PCDHGA1: variants seen among roughly 807,000 people sequenced by gnomAD.
PCDHGA1 encodes the protein protocadherin gamma-A1.
Under a neutral mutation model 58.0 loss-of-function variants are expected in PCDHGA1, and 32 were observed. The ratio of observed to expected loss-of-function variants is 0.55; its 90% CI spans 0.42 to 0.74. The LOEUF is 0.74. Ranked by LOEUF, PCDHGA1 falls within the 30% of genes least tolerant of loss-of-function variation. The pLI is 0.00. For missense variants in PCDHGA1, 1,205 were observed against 1,182.3 expected, an observed-to-expected ratio of 1.02 and a Z score of -0.28; for synonymous variants, 498 against 501.1, an observed-to-expected ratio of 0.99 and a Z score of 0.08.
intron 1 of PCDHGA1, chr5:141,416,766 T>C (rs906070451): frequency 2.0e-5 from 3 of 152,212 alleles, no homozygotes; most frequent in African/African-American, 7.2e-5. Context: ...GATCTCTTAA[T>C]TTTATTACTA....
intron 1 of PCDHGA1, chr5:141,383,026 T>A (rs767610901): frequency 6.2e-7 from 1 of 1,613,590 alleles, no homozygotes; most frequent in Non-Finnish European, 8.5e-7. Context: ...GGACAAAGGG[T>A]CCTTTGTGGG....
intron 1 of PCDHGA1, chr5:141,428,456 A>G (rs538022786): frequency 1.4e-5 from 5 of 358,650 alleles, no homozygotes; most frequent in South Asian, 1.1e-4. Context: ...TTTCCCAACT[A>G]CAATGAGGGA....
chr5:141,356,817 C>A (rs553662641), intron 1 of PCDHGA1: 16 of 1,613,926 alleles, frequency 9.9e-6, no homozygotes, highest in Middle Eastern at 1.6e-4. Flanking sequence ...ACAGTGGAGA[C>A]CCTCCACTCA....
chr5:141,446,256 T>C lies in PCDHGA1; in HGVS notation c.2422-48551T>C, dbSNP rs535879308. On this transcript the variant is annotated intron_variant, in intron 1 of 3. Transcript: ENST00000517417. Reference sequence around the variant, plus strand: ...CAAGTGGTAGATCTTCAGTGAAATATTATTAACTGAATAAATACAATGGAT... The same window carrying C: ...CAAGTGGTAGATCTTCAGTGAAATACTATTAACTGAATAAATACAATGGAT... Among the ~76,000 whole-genome samples the C allele has an allele frequency of 2.0e-5, 3 of 152,310 alleles. No homozygotes were observed. The East Asian group carries it at 5.8e-4, about 29-fold the overall frequency.
chr5:141,344,107 A>T, intron 1 of PCDHGA1: 1 of 1,613,998 alleles, frequency 6.2e-7, no homozygotes, highest in Non-Finnish European at 8.5e-7. Context: ...ACGCTGTGCG[A>T]AACAGGATCC....
intron 1 of PCDHGA1, chr5:141,364,759 T>C: frequency 1.2e-6 from 2 of 1,613,952 alleles, no homozygotes; most frequent in Non-Finnish European, 1.7e-6. Context: ...TAAAAGTTAA[T>C]GAAAATGCGG....
In PCDHGA1 at chr5:141,398,540, T is replaced by C. The variant is rs372892054; in HGVS notation, c.2421+65435T>C. On this transcript the variant is annotated intron_variant, in intron 1 of 3. Transcript: ENST00000517417. The stretch of plus-strand genomic sequence containing the variant: ...ACGCCAAAATTCACGCAAAATTCCT[T>C]TGAGCTGCAAATAAGTGAGTCTGCA... 12 of 1,613,764 alleles carry C rather than the reference T, an allele frequency of 7.4e-6. No homozygotes were observed. The African/African-American group carries it at 1.2e-4, about 16-fold the overall frequency.
chr5:141,383,027 C>A lies in PCDHGA1; in HGVS notation c.2421+49922C>A, dbSNP rs752703068. 3 of 1,613,838 alleles carry A rather than the reference C, an allele frequency of 1.9e-6. No homozygotes were observed. In the South Asian group the frequency reaches 3.3e-5, roughly 18 times the overall value. ...GTGTCGGAGGAGACGGACAAAGGGTCCTTTGTGGGAGACATCGCCAAGGAC... is the reference window on the plus strand; with the variant it reads ...GTGTCGGAGGAGACGGACAAAGGGTACTTTGTGGGAGACATCGCCAAGGAC... On this transcript the variant is annotated intron_variant, in intron 1 of 3. Coordinates refer to ENST00000517417, the MANE Select transcript of PCDHGA1 (RefSeq NM_018912.3).
Position 141,486,239 on chromosome 5 carries a change from C to G in PCDHGA1, c.2422-8568C>G, listed in dbSNP as rs751510109. On this transcript the variant is annotated intron_variant, in intron 1 of 3. Transcript: ENST00000517417. The surrounding 1 kb of genome is among the most constrained non-coding windows in gnomAD (Gnocchi z 5.0). ...CCCTTACATCACAGTGACCTCAGAG[C>G]TTGGAACCCTCCCCGAGAGTGCAGA... 6.2e-7 allele frequency: 1 copy of G among 1,614,160 alleles called. No individual in the cohort carries two copies. Among genetic ancestry groups the G allele is most frequent in the Admixed American group, 1.7e-5 (1 of 60,020 alleles).
At chr5:141,371,175 G>T (rs753971437) in intron 1 of PCDHGA1, 1 of 1,614,004 alleles carries the variant, frequency 6.2e-7, no homozygotes, top group South Asian at 1.1e-5. Flanking sequence ...TGGCTCCTCC[G>T]TATTAAAAGT....
rs1430797606 is a variant in PCDHGA1 at position 141,370,494 on chromosome 5, C to T, written c.2421+37389C>T. On this transcript the variant is annotated intron_variant, in intron 1 of 3. Coordinates refer to ENST00000517417, the MANE Select transcript of PCDHGA1 (RefSeq NM_018912.3). ...AGACCAGGCTCTCTCCGAACCGATC[C>T]GCTACGCTATTCCCGAGGAGCTGGA... 3.1e-6 allele frequency: 5 copies of T among 1,613,784 alleles called. No homozygotes were observed. The African/African-American group carries it at 5.3e-5, about 17-fold the overall frequency.
chr5:141,405,770 G>T (rs989163026), intron 1 of PCDHGA1, among the ~76,000 whole-genome samples: 1 of 152,032 alleles, frequency 6.6e-6, no homozygotes. Context: ...GAGCCACTGC[G>T]CCTGGCCCTT....
rs140199351 is a variant in PCDHGA1, at chr5:141,465,921, G to C, written c.2422-28886G>C. Among the ~76,000 whole-genome samples, 1,515 of 152,146 alleles carry C rather than the reference G, an allele frequency of 1.0e-2. 24 individuals carry two copies. The highest frequency in any genetic ancestry group is 0.034 in the African/African-American group (1,400 of 41,520). On this transcript the variant is annotated intron_variant, in intron 1 of 3. Transcript: ENST00000517417. ...GCAAATCACGAGGTCAGGATTTCGA[G>C]TCCATCCTGGCTAACATGGTGAAAC...
intron 1 of PCDHGA1, chr5:141,471,553 TG>T (rs1217142933): frequency 6.6e-6 from 1 of 152,224 alleles, no homozygotes; most frequent in African/African-American, 2.4e-5. Flanking sequence ...AAGGTTGCTT[TG>T]ACTCAGGGGT....
Position 141,432,028 on chromosome 5 carries a change from C to T in PCDHGA1, c.2422-62779C>T, listed in dbSNP as rs776543767. ...TTCCTAGCTACAACATCACAGTGAC[C>T]GCCACTGACCGGGGAACCCCGCCCC... On this transcript the variant is annotated intron_variant, in intron 1 of 3. Coordinates refer to ENST00000517417, the MANE Select transcript of PCDHGA1 (RefSeq NM_018912.3). The surrounding 1 kb of genome is among the most constrained non-coding windows in gnomAD (Gnocchi z 6.0). The T allele has an allele frequency of 1.1e-5, 18 of 1,614,050 alleles. No individual in the cohort carries two copies. The highest frequency in any genetic ancestry group is 9.9e-5 in the South Asian group (9 of 91,090).
chr5:141,385,037 C>T, intron 1 of PCDHGA1: 1 of 1,614,148 alleles, frequency 6.2e-7, no homozygotes, highest in Non-Finnish European at 8.5e-7. Context: ...GTACTGCTGG[C>T]GCTCAGGCTG....
At chr5:141,346,266 G>A (rs751092764) in intron 1 of PCDHGA1, 2 of 1,614,200 alleles carry the variant, frequency 1.2e-6, no homozygotes, top group South Asian at 2.2e-5. Context: ...GGGCGCGGAC[G>A]GGGTTCGGGC....
In PCDHGA1 at chr5:141,350,025, GA is replaced by G. The variant is rs567824842; in HGVS notation, c.2421+16921del. 116 of 371,848 alleles carry G rather than the reference GA, an allele frequency of 3.1e-4. 2 individuals carry two copies. The South Asian group carries it at 0.012, about 40-fold the overall frequency. The allele number at this position is 371,848 out of a possible 1,614,324, so 23.0% of individuals were successfully genotyped here. On this transcript the variant is annotated intron_variant, in intron 1 of 3. Transcript: ENST00000517417. ...AGCTGGGCCCTGTGCAGTTTTCCAA[GA>G]CAACCTCTGGGCGCCGCTGTCGACC...
In PCDHGA1 at chr5:141,340,963, G is replaced by A. The variant is rs898233139; in HGVS notation, c.2421+7858G>A. On this transcript the variant is annotated intron_variant, in intron 1 of 3. Coordinates refer to ENST00000517417, the MANE Select transcript of PCDHGA1 (RefSeq NM_018912.3). ...CCACTGTCACGCTCACCGTGGCCGT[G>A]GCCGACAGGATCCCCGACATCCTGG... 5.0e-6 allele frequency: 8 copies of A among 1,613,898 alleles called. No individual in the cohort carries two copies. The East Asian group carries it at 1.3e-4, about 27-fold the overall frequency.
Sources: gnomAD v4.1 joint callset for allele counts (sites outside exome capture counted in the v4.1 genomes callset) on GRCh38, gnomAD v4.1.1 for gene constraint, Gnocchi (gnomAD v3.1) non-coding constraint, MANE v1.5 for transcripts, NCBI Gene and HGNC (gene_info 2026-07-23, HGNC 2026-07-21) for gene names.